Variants in GRIN2A observed in about 807,000 individuals in gnomAD.
GRIN2A encodes the protein glutamate ionotropic receptor NMDA type subunit 2A.
GRIN2A carries 22 observed loss-of-function variants against 113.4 expected under a neutral mutation model. The observed-to-expected ratio is 0.19, with a 90% CI of 0.14 to 0.28. The LOEUF (loss-of-function observed/expected upper bound fraction) is 0.28, where lower values mean the gene tolerates loss of function less well. Ranked by LOEUF, GRIN2A falls within the 10% of genes least tolerant of loss-of-function variation. The pLI is 1.00. For synonymous variants in GRIN2A, 827 were observed against 738.4 expected (o/e 1.12, Z -1.94); for missense variants, 1,502 against 1,887.0 (o/e 0.80, Z 3.78).
intron 2 of GRIN2A, among the ~76,000 whole-genome samples, chr16:10,074,369 T>A (rs566639496): frequency 6.6e-6 from 1 of 152,246 alleles, no homozygotes; most frequent in African/African-American, 2.4e-5. Flanking sequence ...GCAATTCCAT[T>A]TCTAGGTATG....
intron 2 of GRIN2A, among the ~76,000 whole-genome samples, chr16:10,068,251 T>C (rs910352563): frequency 3.3e-5 from 5 of 152,252 alleles, no homozygotes; most frequent in African/African-American, 7.2e-5. Context: ...GCAGAGACCC[T>C]GTACTAGTCT....
chr16:9,939,722 C>T (rs563657355), intron 2 of GRIN2A, among the ~76,000 whole-genome samples: 1 of 152,228 alleles, frequency 6.6e-6, no homozygotes, highest in East Asian at 1.9e-4. Flanking sequence ...CATCCTGCCC[C>T]CTTTCTGACA....
chr16:10,149,732 C>T (rs540618038), intron 2 of GRIN2A, among the ~76,000 whole-genome samples: 10 of 152,292 alleles, frequency 6.6e-5, no homozygotes, highest in Admixed American at 5.9e-4. Context: ...TCCCTGGTGC[C>T]CCCTATCCCC....
In GRIN2A at chr16:9,760,374, ATTTTTTT is replaced by A. The variant is rs35189803; in HGVS notation, c.*2768_*2774del. Reference sequence around the variant, plus strand: ...AAATTGACCATCTGATCAGTAGTTGATTTTTTTTTTTTTTTTTTTTTTTTGCTTGGGA... The same window carrying A: ...AAATTGACCATCTGATCAGTAGTTGATTTTTTTTTTTTTTTTTGCTTGGGA... On this transcript the variant is annotated 3_prime_UTR_variant, in exon 13 of 13. Transcript: ENST00000330684. 1.3e-3 allele frequency: 126 copies of A among 94,068 alleles called. No homozygotes were observed. The highest frequency in any genetic ancestry group is 4.5e-3 in the African/African-American group (91 of 20,246). 5.8% of individuals were successfully genotyped at this position (94,068 alleles called of 1,614,324 possible). A position where few individuals can be genotyped will look rare whatever the true frequency, so the allele number is the denominator to read the frequency against.
chr16:10,181,372 G>A (rs148390490), intron 1 of GRIN2A, among the ~76,000 whole-genome samples: 2 of 152,218 alleles, frequency 1.3e-5, no homozygotes, highest in African/African-American at 4.8e-5. Flanking sequence ...CCAGACGGAC[G>A]TGGACTGTAC....
chr16:9,784,303 G>C (rs1317738665), intron 11 of GRIN2A, among the ~76,000 whole-genome samples: 2 of 151,860 alleles, frequency 1.3e-5, no homozygotes, highest in Non-Finnish European at 2.9e-5. Context: ...GGTGGTGGGT[G>C]CCTGTAATCC....
intron 2 of GRIN2A, among the ~76,000 whole-genome samples, chr16:10,157,947 G>T (rs1250707284): frequency 1.3e-5 from 2 of 151,884 alleles, no homozygotes; most frequent in Non-Finnish European, 2.9e-5. Context: ...AGTGAAACTG[G>T]TTTTCATTAT....
chr16:9,950,694 C>T (rs1331027433), intron 2 of GRIN2A, among the ~76,000 whole-genome samples: 1 of 152,158 alleles, frequency 6.6e-6, no homozygotes, highest in Non-Finnish European at 1.5e-5. Flanking sequence ...CAGTGGAAGG[C>T]GCAAGGATTT....
intron 3 of GRIN2A, among the ~76,000 whole-genome samples, chr16:9,911,197 T>A (rs1005661482): frequency 3.3e-5 from 5 of 152,082 alleles, no homozygotes; most frequent in Non-Finnish European, 7.4e-5. Flanking sequence ...GTTTCCAAAA[T>A]GACCATAAGC....
At chr16:9,943,302 G>A (rs13337243) in intron 2 of GRIN2A, 1 of 152,214 alleles carries the variant, frequency 6.6e-6, no homozygotes, top group South Asian at 2.1e-4. Context: ...CTGCTCTGCG[G>A]AAGACAGAAC....
At chr16:9,796,223 A>G (rs781297821) in intron 11 of GRIN2A, among the ~76,000 whole-genome samples, 2 of 152,246 alleles carry the variant, frequency 1.3e-5, no homozygotes, top group East Asian at 1.9e-4. Flanking sequence ...ATCACATTTA[A>G]AAGTTTCCAG....
chr16:10,099,484 C>CCG (rs1287055141), intron 2 of GRIN2A, among the ~76,000 whole-genome samples: 1 of 151,974 alleles, frequency 6.6e-6, no homozygotes, highest in African/African-American at 2.4e-5. Context: ...CCCTTGCACC[C>CCG]CCTTCCTCAG....
intron 3 of GRIN2A, among the ~76,000 whole-genome samples, chr16:9,935,022 G>T (rs913470815): frequency 6.6e-6 from 1 of 152,028 alleles, no homozygotes; most frequent in African/African-American, 2.4e-5. Context: ...GCGTAACTTT[G>T]GGAAATTGCG....
intron 2 of GRIN2A, among the ~76,000 whole-genome samples, chr16:10,060,794 G>A (rs998075468): frequency 7.2e-5 from 11 of 152,130 alleles, no homozygotes; most frequent in Admixed American, 3.9e-4. Flanking sequence ...TGAAAGCTGC[G>A]TTTCCTCTTT....
intron 2 of GRIN2A, among the ~76,000 whole-genome samples, chr16:10,146,258 C>T (rs1280984194): frequency 1.3e-5 from 2 of 152,196 alleles, no homozygotes; most frequent in African/African-American, 4.8e-5. Context: ...GCTGGGATTA[C>T]AGGCGTGTGC....
At chr16:10,051,618 A>G (rs557604384) in intron 2 of GRIN2A, among the ~76,000 whole-genome samples, 1 of 152,336 alleles carries the variant, frequency 6.6e-6, no homozygotes, top group East Asian at 1.9e-4. Context: ...GGACTGGACC[A>G]TTCGAATTGA....
At chr16:9,916,425 C>T (rs563751525) in intron 3 of GRIN2A, among the ~76,000 whole-genome samples, 87 of 152,208 alleles carry the variant, frequency 5.7e-4, no homozygotes, top group South Asian at 2.5e-3. Context: ...TCTGCCGGCA[C>T]GTATAAATCG....
intron 4 of GRIN2A, among the ~76,000 whole-genome samples, chr16:9,855,334 C>T (rs1429499143): frequency 6.6e-6 from 1 of 152,200 alleles, no homozygotes; most frequent in Non-Finnish European, 1.5e-5. Context: ...TAACAACAAA[C>T]ATCTCTTAAT....
chr16:10,014,866 C>T (rs1328373291), intron 2 of GRIN2A, among the ~76,000 whole-genome samples: 1 of 152,006 alleles, frequency 6.6e-6, no homozygotes. Context: ...AGGAACATGA[C>T]ATTTATATTT....
Sources: allele counts gnomAD v4.1 joint callset (sites outside exome capture counted in the v4.1 genomes callset), GRCh38; gene constraint gnomAD v4.1.1; transcripts MANE v1.5; gene names NCBI Gene and HGNC (gene_info 2026-07-23, HGNC 2026-07-21).